Variants in JAK1 observed in about 807,000 individuals in gnomAD.
JAK1 encodes the protein tyrosine-protein kinase JAK1.
Under a neutral mutation model 136.6 loss-of-function variants are expected in JAK1, and 16 were observed. The observed-to-expected ratio is 0.12, with a 90% CI of 0.08 to 0.18. The LOEUF is 0.18. Ranked by LOEUF, JAK1 falls within the 10% of genes least tolerant of loss-of-function variation. The probability of loss-of-function intolerance (pLI) is 1.00; values close to 1 mark genes in which losing one functional copy is unlikely to be tolerated. For synonymous variants in JAK1, 492 were observed against 519.5 expected (o/e 0.95, Z 0.72); for missense variants, 859 against 1,450.1 (o/e 0.59, Z 6.62).
intron 1 of JAK1, chr1:64,918,402 C>A (rs1054196653): frequency 2.0e-5 from 3 of 152,168 alleles, no homozygotes; most frequent in African/African-American, 7.2e-5. Flanking sequence ...GGCAGCTAAG[C>A]TAGTTCTCTC....
rs141123152 is a variant in JAK1, at chr1:64,833,310, G to A, written c.*1252C>T. On this transcript the variant is annotated 3_prime_UTR_variant, in exon 25 of 25. Transcript: ENST00000342505. ...CCACAGGTTTGACACAGAGACCTTG[G>A]TGATGTAGGCTATGAACAAATTTAA... is the stretch of plus-strand genomic sequence containing the variant. 5.6e-5 allele frequency: 13 copies of A among 232,428 alleles called. No homozygotes were observed. The highest frequency in any genetic ancestry group is 2.3e-4 in the Admixed American group (4 of 17,744). The allele number at this position is 232,428 out of a possible 1,614,324, so 14.4% of individuals were successfully genotyped here.
chr1:64,996,051 G>A (rs1646701155), intron 2 of JAK1, among the ~76,000 whole-genome samples: 1 of 152,086 alleles, frequency 6.6e-6, no homozygotes, highest in African/African-American at 2.4e-5. Context: ...CTGACATTGG[G>A]CTCTTTTTTT....
intron 1 of JAK1, among the ~76,000 whole-genome samples, chr1:64,921,155 C>T (rs553352661): frequency 4.5e-4 from 69 of 152,152 alleles, no homozygotes; most frequent in African/African-American, 1.5e-3. Context: ...TGAGATGTTC[C>T]TTTATCATTT....
intron 1 of JAK1, among the ~76,000 whole-genome samples, chr1:64,906,415 C>T (rs1645191574): frequency 3.3e-5 from 5 of 152,072 alleles, no homozygotes; most frequent in Admixed American, 3.3e-4. Flanking sequence ...CATCAACACA[C>T]ACCTCCTCCC....
At chr1:64,850,452 C>T (rs1472434668) in intron 12 of JAK1, among the ~76,000 whole-genome samples, 1 of 152,238 alleles carries the variant, frequency 6.6e-6, no homozygotes, top group Admixed American at 6.5e-5. Context: ...TGGAGGTGCT[C>T]CATCACACAG....
At chr1:64,871,559 C>T (rs1184981212) in intron 5 of JAK1, among the ~76,000 whole-genome samples, 1 of 152,172 alleles carries the variant, frequency 6.6e-6, no homozygotes, top group African/African-American at 2.4e-5. Context: ...CTGATTTCTG[C>T]CCCTTCCCCA....
At chr1:65,046,196 T>C (rs1647181378) in intron 1 of JAK1, among the ~76,000 whole-genome samples, 1 of 152,234 alleles carries the variant, frequency 6.6e-6, no homozygotes, top group Admixed American at 6.5e-5. Context: ...ACCTGTGCAG[T>C]ACTTTCTTCC....
chr1:65,052,955 C>T (rs1320569151), intron 1 of JAK1, among the ~76,000 whole-genome samples: 3 of 146,496 alleles, frequency 2.0e-5, no homozygotes, highest in Admixed American at 7.1e-5. Context: ...CGCTGGGACC[C>T]GGGAGGCACA....
chr1:65,022,998 G>C (rs906825638), intron 2 of JAK1: 3 of 151,908 alleles, frequency 2.0e-5, no homozygotes, highest in Admixed American at 1.3e-4. Flanking sequence ...TTTTTTTCCT[G>C]TCATCCTTAC....
intron 17 of JAK1, among the ~76,000 whole-genome samples, chr1:64,842,308 A>C (rs989706526): frequency 2.6e-5 from 4 of 152,326 alleles, no homozygotes; most frequent in Admixed American, 2.6e-4. Context: ...TCATTTTAAA[A>C]ATTTTCTTCA....
At chr1:65,021,749 T>A (rs1172492316) in intron 2 of JAK1, among the ~76,000 whole-genome samples, 1 of 152,204 alleles carries the variant, frequency 6.6e-6, no homozygotes, top group Non-Finnish European at 1.5e-5. Flanking sequence ...GAACCCCTAA[T>A]GCCTGGGGGT....
intron 11 of JAK1, 98 bp downstream of exon 11, chr1:64,855,411 G>T: frequency 9.2e-7 from 1 of 1,082,944 alleles, no homozygotes. Flanking sequence ...CTGTGGGGAG[G>T]GTCCACTTTG....
At chr1:64,854,572 T>C (rs1178682448) in intron 11 of JAK1, among the ~76,000 whole-genome samples, 2 of 152,198 alleles carry the variant, frequency 1.3e-5, no homozygotes, top group African/African-American at 2.4e-5. Flanking sequence ...CAGTTGACTG[T>C]GTGACCTCTA....
At chr1:64,932,869 C>T (rs1331834020) in intron 1 of JAK1, among the ~76,000 whole-genome samples, 1 of 152,138 alleles carries the variant, frequency 6.6e-6, no homozygotes, top group Non-Finnish European at 1.5e-5. Flanking sequence ...CTCCCAACTC[C>T]ACCATCCCAA....
intron 3 of JAK1, among the ~76,000 whole-genome samples, chr1:64,879,710 A>G (rs777506443): frequency 6.6e-6 from 1 of 152,240 alleles, no homozygotes; most frequent in Non-Finnish European, 1.5e-5. Flanking sequence ...ACCATTAATA[A>G]TAAATATACT....
intron 2 of JAK1, among the ~76,000 whole-genome samples, chr1:64,998,427 G>A (rs1646722728): frequency 6.6e-6 from 1 of 152,092 alleles, no homozygotes; most frequent in Non-Finnish European, 1.5e-5. Context: ...GTTTACAAAA[G>A]GCTTTCACAT....
In JAK1 at chr1:65,065,613, T is replaced by G. The variant is rs182046493; in HGVS notation, c.-181+1991A>C. Among the ~76,000 whole-genome samples the G allele has an allele frequency of 2.4e-3, 361 of 151,540 alleles. 1 individual carries two copies. Among genetic ancestry groups the G allele is most frequent in the South Asian group, 6.7e-3 (32 of 4,796 alleles). On this transcript the variant is annotated intron_variant, in intron 1 of 25. Coordinates refer to the JAK1 transcript ENST00000671954. ...TCAGGACAGGAGACCCTTGGGTCCC[T>G]GCTCTTCCTCTGTGTTTTCCTCCCT...
intron 1 of JAK1, among the ~76,000 whole-genome samples, chr1:64,915,190 T>C (rs1251627490): frequency 6.6e-6 from 1 of 152,184 alleles, no homozygotes; most frequent in Non-Finnish European, 1.5e-5. Flanking sequence ...GAAACTCCAC[T>C]AAAATATAGT....
intron 1 of JAK1, among the ~76,000 whole-genome samples, chr1:65,049,244 A>ATC (rs1647222356): frequency 1.3e-5 from 2 of 152,294 alleles, no homozygotes; most frequent in Non-Finnish European, 2.9e-5. Flanking sequence ...CAACAAAGAG[A>ATC]GATCCTGTCT....
Sources: allele counts gnomAD v4.1 joint callset (sites outside exome capture counted in the v4.1 genomes callset), GRCh38; gene constraint gnomAD v4.1.1; transcripts MANE v1.5; gene names NCBI Gene and HGNC (gene_info 2026-07-23, HGNC 2026-07-21).